The following BCAS3 variants were observed in gnomAD, a reference collection of about 807,000 sequenced individuals.
BCAS3 encodes BCAS4/BCAS3 fusion.
In BCAS3, 53 loss-of-function variants were observed where a neutral mutation model predicts 116.1. That is an observed-to-expected ratio of 0.46 (90% CI 0.37 to 0.57). BCAS3 has a LOEUF of 0.57. Among genes scored for constraint, BCAS3 ranks in the 20% least tolerant of loss-of-function variants. BCAS3 has a pLI of 0.00. For missense variants in BCAS3, 917 were observed against 1,165.4 expected (o/e 0.79, Z 3.10); for synonymous variants, 391 against 408.2 (o/e 0.96, Z 0.51).
chr17:60,880,782 A>G (rs1348196899), intron 9 of BCAS3, among the ~76,000 whole-genome samples: 1 of 152,078 alleles, frequency 6.6e-6, no homozygotes, highest in Non-Finnish European at 1.5e-5. Flanking sequence ...AATGACACTG[A>G]CCATTTTTAA....
chr17:60,918,944 C>G (rs1212862942), intron 12 of BCAS3, among the ~76,000 whole-genome samples: 1 of 152,082 alleles, frequency 6.6e-6, no homozygotes, highest in African/African-American at 2.4e-5. Flanking sequence ...CCACCCGCCT[C>G]AGCCTCCCAA....
intron 15 of BCAS3, among the ~76,000 whole-genome samples, chr17:60,998,472 A>T (rs1043881188): frequency 5.3e-5 from 8 of 152,210 alleles, no homozygotes; most frequent in African/African-American, 1.9e-4. Context: ...CCAACAGTGC[A>T]TAAGTATTCT....
intron 22 of BCAS3, among the ~76,000 whole-genome samples, chr17:61,102,775 A>G (rs920695416): frequency 5.3e-5 from 8 of 152,138 alleles, no homozygotes; most frequent in Non-Finnish European, 1.2e-4. Flanking sequence ...TGTTGTAAAA[A>G]TTAATAGATA....
Position 61,217,451 on chromosome 17 carries a change from C to T in BCAS3, c.2425+132887C>T, listed in dbSNP as rs1211779470. 6.6e-6 allele frequency among the ~76,000 whole-genome samples: 1 copy of T among 152,064 alleles called. No homozygotes were observed. The highest frequency in any genetic ancestry group is 6.5e-5 in the Admixed American group (1 of 15,270). On this transcript the variant is annotated intron_variant, in intron 22 of 23. Coordinates refer to ENST00000407086, the MANE Select transcript of BCAS3 (RefSeq NM_017679.5). The surrounding 1 kb of genome is among the most constrained non-coding windows in gnomAD (Gnocchi z 5.2). ...AAGCATTTGGTAGGCATATAATGGC[C>T]CCACAATCGTTTTGGCTTAGTTTGG...
intron 22 of BCAS3, among the ~76,000 whole-genome samples, chr17:61,237,874 T>C (rs2083188388): frequency 1.3e-5 from 2 of 152,176 alleles, no homozygotes; most frequent in South Asian, 4.1e-4. Context: ...AGCCATATTT[T>C]TATATGGAGG....
chr17:60,757,613 T>A (rs1331729858), intron 6 of BCAS3, among the ~76,000 whole-genome samples: 1 of 152,114 alleles, frequency 6.6e-6, no homozygotes, highest in Non-Finnish European at 1.5e-5. Flanking sequence ...AATGGGATTT[T>A]AAAAAATTGT....
At chr17:61,160,285 AT>A (rs112652484) in intron 22 of BCAS3, among the ~76,000 whole-genome samples, 20 of 149,972 alleles carry the variant, frequency 1.3e-4, no homozygotes, top group East Asian at 3.9e-4. Flanking sequence ...GTCTGAGTTA[AT>A]TTTTTTTTTA....
chr17:61,107,141 A>C (rs539829866), intron 22 of BCAS3, among the ~76,000 whole-genome samples: 6 of 128,122 alleles, frequency 4.7e-5, no homozygotes, highest in Non-Finnish European at 7.8e-5. Flanking sequence ...GGCTGGAGTG[A>C]AGTGGTGTGA....
intron 22 of BCAS3, among the ~76,000 whole-genome samples, chr17:61,116,404 T>C (rs1601373515): frequency 6.6e-6 from 1 of 152,200 alleles, no homozygotes; most frequent in Admixed American, 6.5e-5. Flanking sequence ...GTAGCCCTTC[T>C]TCCGTTTATG....
chr17:61,290,278 A>G (rs1387620525), intron 22 of BCAS3, among the ~76,000 whole-genome samples: 1 of 152,176 alleles, frequency 6.6e-6, no homozygotes, highest in Non-Finnish European at 1.5e-5. Context: ...CAAACTAAGA[A>G]GTTGGTAGTA....
At position 61,235,317 on chromosome 17, in the gene BCAS3, C is replaced by CG. The variant is rs1230679977; in HGVS notation, c.2426-133010_2426-133009insG. Among the ~76,000 whole-genome samples, 2 of 152,192 alleles carry CG rather than the reference C, an allele frequency of 1.3e-5. No homozygotes were observed. Among genetic ancestry groups the CG allele is most frequent in the Non-Finnish European group, 2.9e-5 (2 of 68,034 alleles). On this transcript the variant is annotated intron_variant, in intron 22 of 23. Transcript: ENST00000407086. This position sits in a 1 kb window ranked among gnomAD's most constrained non-coding sequence, Gnocchi z 5.0. ...AGAATCCTTCTTGGCTAGTTATAGTCTAAGACTTGCAGACAGGCAGCCTGG... is the reference window on the plus strand; with the variant it reads ...AGAATCCTTCTTGGCTAGTTATAGTCGTAAGACTTGCAGACAGGCAGCCTGG...
At chr17:61,064,731 G>A (rs2070430088) in intron 19 of BCAS3, among the ~76,000 whole-genome samples, 2 of 152,128 alleles carry the variant, frequency 1.3e-5, no homozygotes, top group African/African-American at 4.8e-5. Flanking sequence ...GACATAAAAG[G>A]AAAGTGAAAC....
chr17:61,100,656 A>T (rs1184250160), intron 22 of BCAS3, among the ~76,000 whole-genome samples: 1 of 152,136 alleles, frequency 6.6e-6, no homozygotes, highest in Non-Finnish European at 1.5e-5. Flanking sequence ...GCACTCAGCA[A>T]ATGTTAATGA....
At chr17:61,048,695 C>G (rs920488212) in intron 19 of BCAS3, among the ~76,000 whole-genome samples, 19 of 151,950 alleles carry the variant, frequency 1.3e-4, no homozygotes, top group Admixed American at 1.2e-3. Context: ...TTCAAACCCT[C>G]ACCTAGAGTT....
At chr17:60,971,093 A>T (rs2061933022) in intron 14 of BCAS3, among the ~76,000 whole-genome samples, 1 of 152,208 alleles carries the variant, frequency 6.6e-6, no homozygotes, top group Non-Finnish European at 1.5e-5. Flanking sequence ...AGTCATTTCC[A>T]TCAGTGAATA....
At chr17:60,724,915 C>T (rs1308791496) in intron 5 of BCAS3, among the ~76,000 whole-genome samples, 2 of 151,796 alleles carry the variant, frequency 1.3e-5, no homozygotes, top group African/African-American at 4.8e-5. Flanking sequence ...GCAGTGGTGC[C>T]ATTATAGCTC....
At position 61,077,122 on chromosome 17, in the gene BCAS3, C is replaced by T. The variant is rs2072072929; in HGVS notation, c.2131-1211C>T. On this transcript the variant is annotated intron_variant, in intron 20 of 23. Coordinates refer to ENST00000407086, the MANE Select transcript of BCAS3 (RefSeq NM_017679.5). This position sits in a 1 kb window ranked among gnomAD's most constrained non-coding sequence, Gnocchi z 4.3. ...TAGTTTGTATATTTAGTCTCTCATT[C>T]GAGTTGATTATTTGTAAAAAAAAAA... Among the ~76,000 whole-genome samples the T allele has an allele frequency of 4.1e-5, 6 of 146,090 alleles. No individual in the cohort carries two copies. Among genetic ancestry groups the T allele is most frequent in the Non-Finnish European group, 8.9e-5 (6 of 67,576 alleles).
chr17:60,973,151 T>C (rs777657626), intron 14 of BCAS3, among the ~76,000 whole-genome samples: 11 of 152,178 alleles, frequency 7.2e-5, no homozygotes, highest in South Asian at 2.1e-4. Context: ...GAATGATGTC[T>C]ATGTGACTTT....
intron 22 of BCAS3, among the ~76,000 whole-genome samples, chr17:61,176,581 A>G (rs143809977): frequency 6.6e-6 from 1 of 150,914 alleles, no homozygotes; most frequent in East Asian, 1.9e-4. Flanking sequence ...ATTTAGAGAG[A>G]TGGTCTTGCT....
Sources: gnomAD v4.1 joint callset for allele counts (sites outside exome capture counted in the v4.1 genomes callset) on GRCh38, gnomAD v4.1.1 for gene constraint, Gnocchi (gnomAD v3.1) non-coding constraint, MANE v1.5 for transcripts, NCBI Gene and HGNC (gene_info 2026-07-23, HGNC 2026-07-21) for gene names.